The following CECR2 variants were observed in gnomAD, a reference collection of about 807,000 sequenced individuals.
The protein encoded by CECR2 is CECR2 histone acetyl-lysine reader.
A neutral mutation model predicts 154.5 loss-of-function variants in CECR2; 30 were observed. The ratio of observed to expected loss-of-function variants is 0.19; its 90% CI spans 0.15 to 0.26. The LOEUF is 0.26. CECR2 is among the 10% of genes least tolerant of loss of function. The probability of loss-of-function intolerance (pLI) is 1.00; values close to 1 mark genes in which losing one functional copy is unlikely to be tolerated. For synonymous variants in CECR2, 725 were observed against 683.7 expected (o/e 1.06, Z -0.94); for missense variants, 1,743 against 1,829.3 (o/e 0.95, Z 0.86).
At chr22:17,551,830 G>C (rs2056712366) in intron 17 of CECR2, among the ~76,000 whole-genome samples, 1 of 151,964 alleles carries the variant, frequency 6.6e-6, no homozygotes, top group Non-Finnish European at 1.5e-5. Context: ...AAACACTTTT[G>C]TCAGGAGTGC....
chr22:17,510,993 C>T (rs1482742947), intron 7 of CECR2, among the ~76,000 whole-genome samples: 1 of 152,182 alleles, frequency 6.6e-6, no homozygotes, highest in African/African-American at 2.4e-5. Flanking sequence ...ACCACCCCTT[C>T]TTGTCATTTT....
intron 1 of CECR2, among the ~76,000 whole-genome samples, chr22:17,475,907 A>G (rs1184777974): frequency 6.6e-6 from 1 of 151,248 alleles, no homozygotes. Context: ...CTCCCCTCCC[A>G]CCCTCTACCA....
At chr22:17,461,540 C>T (rs761938327) in intron 1 of CECR2, among the ~76,000 whole-genome samples, 7 of 152,200 alleles carry the variant, frequency 4.6e-5, no homozygotes, top group Middle Eastern at 3.4e-3. Context: ...AAACTCCTGG[C>T]GAGGAGTTTG....
chr22:17,485,534 C>T (rs1187530875), intron 2 of CECR2, among the ~76,000 whole-genome samples: 4 of 152,078 alleles, frequency 2.6e-5, no homozygotes, highest in Non-Finnish European at 4.4e-5. Context: ...CTTGGGAGGC[C>T]GAGGCAGGCC....
chr22:17,377,339 C>T (rs2063129994), intron 1 of CECR2, among the ~76,000 whole-genome samples: 1 of 152,020 alleles, frequency 6.6e-6, no homozygotes, highest in African/African-American at 2.4e-5. Flanking sequence ...TTCACTATCT[C>T]TAGTGTTCTT....
intron 1 of CECR2, among the ~76,000 whole-genome samples, chr22:17,447,961 C>G (rs148456637): frequency 4.6e-4 from 70 of 152,046 alleles, no homozygotes; most frequent in African/African-American, 1.1e-3. Context: ...AGAACAGGTA[C>G]AGGTCCATTA....
chr22:17,527,640 G>A (rs927004913), intron 9 of CECR2, among the ~76,000 whole-genome samples: 3 of 151,812 alleles, frequency 2.0e-5, no homozygotes, highest in Non-Finnish European at 2.9e-5. Context: ...GGTGGCACAC[G>A]CCTGTAATCC....
At chr22:17,486,197 A>T (rs1301218707) in intron 2 of CECR2, among the ~76,000 whole-genome samples, 2 of 152,218 alleles carry the variant, frequency 1.3e-5, no homozygotes, top group Non-Finnish European at 2.9e-5. Flanking sequence ...AACAACTTAG[A>T]CGTAAAAGGA....
At position 17,454,001 on chromosome 22, in the gene CECR2, G is replaced by C. The variant is rs78959349; in HGVS notation, c.127-23587G>C. Among the ~76,000 whole-genome samples, 217 of 152,328 alleles carry C rather than the reference G, an allele frequency of 1.4e-3. 2 individuals carry two copies. Among genetic ancestry groups the C allele is most frequent in the East Asian group, 7.5e-3 (39 of 5,186 alleles). On this transcript the variant is annotated intron_variant, in intron 1 of 18. Coordinates refer to ENST00000262608, the MANE Select transcript of CECR2 (RefSeq NM_001290047.2). The stretch of plus-strand genomic sequence containing the variant: ...TTACTTAGGTGCCAGGTGTCAGCCT[G>C]TCCAAGTGCTGGCTTTGCCACTTAC...
intron 1 of CECR2, among the ~76,000 whole-genome samples, chr22:17,472,879 G>C (rs759893594): frequency 6.6e-6 from 1 of 152,096 alleles, no homozygotes; most frequent in East Asian, 1.9e-4. Context: ...AATTATCTTC[G>C]TGTATTAGGC....
chr22:17,530,794 C>T (rs368900038), intron 9 of CECR2, among the ~76,000 whole-genome samples: 4 of 152,136 alleles, frequency 2.6e-5, no homozygotes, highest in East Asian at 1.9e-4. Context: ...GTTATTCAGC[C>T]TTAAGAGGGA....
chr22:17,444,045 A>G (rs951148528), intron 1 of CECR2, among the ~76,000 whole-genome samples: 1 of 152,190 alleles, frequency 6.6e-6, no homozygotes, highest in Non-Finnish European at 1.5e-5. Flanking sequence ...AGGTATTTGC[A>G]TGTGCAGGCA....
At chr22:17,547,038 CAAAA>C (rs1167599171) in intron 16 of CECR2, among the ~76,000 whole-genome samples, 2 of 53,808 alleles carry the variant, frequency 3.7e-5, no homozygotes, top group Non-Finnish European at 7.7e-5. Flanking sequence ...GACTCTGCCT[CAAAA>C]AAAAAAAAAA....
intron 1 of CECR2, among the ~76,000 whole-genome samples, chr22:17,387,006 T>G (rs977620956): frequency 6.6e-6 from 1 of 152,178 alleles, no homozygotes; most frequent in Non-Finnish European, 1.5e-5. Context: ...TGACTGTTGA[T>G]TGTTTGGAAT....
At chr22:17,478,637 G>C (rs1161453598) in intron 2 of CECR2, among the ~76,000 whole-genome samples, 1 of 152,184 alleles carries the variant, frequency 6.6e-6, no homozygotes, top group Non-Finnish European at 1.5e-5. Context: ...TTACAGGCGT[G>C]AGCCACCGCG....
At chr22:17,480,265 C>A (rs1390139440) in intron 2 of CECR2, among the ~76,000 whole-genome samples, 1 of 151,986 alleles carries the variant, frequency 6.6e-6, no homozygotes, top group Admixed American at 6.6e-5. Context: ...TAAAACTTAG[C>A]AACTTAAAAC....
chr22:17,467,544 GA>G (rs1264525878), intron 1 of CECR2, among the ~76,000 whole-genome samples: 5 of 152,102 alleles, frequency 3.3e-5, no homozygotes. Flanking sequence ...AGCACTTTGG[GA>G]GGCCGAGGCT....
At position 17,428,595 on chromosome 22, in the gene CECR2, A is replaced by T. The variant is rs547521402; in HGVS notation, c.127-48993A>T. On this transcript the variant is annotated intron_variant, in intron 1 of 18. Transcript: ENST00000262608. ...ATATTTCACAATAAAAGTTTTCAAAATATTGAGTTTATTCCTAGTGAAAAA... is the reference window on the plus strand; with the variant it reads ...ATATTTCACAATAAAAGTTTTCAAATTATTGAGTTTATTCCTAGTGAAAAA... The T allele has an allele frequency of 2.4e-4, 36 of 152,274 alleles. No homozygotes were observed. In the East Asian group the frequency reaches 6.5e-3, roughly 28 times the overall value. 9.4% of individuals were successfully genotyped at this position (152,274 alleles called of 1,614,324 possible). A position where few individuals can be genotyped will look rare whatever the true frequency, so the allele number is the denominator to read the frequency against.
chr22:17,433,437 G>T (rs1167505821), intron 1 of CECR2, among the ~76,000 whole-genome samples: 1 of 152,112 alleles, frequency 6.6e-6, no homozygotes, highest in African/African-American at 2.4e-5. Flanking sequence ...TCATCACATT[G>T]TTTTTGTCTT....
Sources: allele counts gnomAD v4.1 joint callset (sites outside exome capture counted in the v4.1 genomes callset), GRCh38; gene constraint gnomAD v4.1.1; transcripts MANE v1.5; gene names NCBI Gene and HGNC (gene_info 2026-07-23, HGNC 2026-07-21).